Variants in WIPF3 observed in about 807,000 individuals in gnomAD.
WIPF3 encodes the protein WAS/WASL interacting protein family member 3, also known as WAS/WASL-interacting protein family member 3.
A neutral mutation model predicts 38.9 loss-of-function variants in WIPF3; 33 were observed. The observed-to-expected ratio is 0.85, with a 90% CI of 0.64 to 1.14. The LOEUF is 1.14. Ranked by LOEUF, WIPF3 falls within the 50% of genes most tolerant of loss-of-function variation. WIPF3 has a pLI of 0.00. For synonymous variants in WIPF3, 324 were observed against 269.3 expected, an observed-to-expected ratio of 1.20 and a Z score of -1.99; for missense variants, 711 against 652.5, an observed-to-expected ratio of 1.09 and a Z score of -0.98.
chr7:29,816,686 A>T (rs1263982564), intron 1 of WIPF3, among the ~76,000 whole-genome samples: 1 of 152,082 alleles, frequency 6.6e-6, no homozygotes. Flanking sequence ...CAATGTGGAG[A>T]TCATTCCAGG....
At chr7:29,911,281 A>G (rs1786500260) in intron 8 of WIPF3, among the ~76,000 whole-genome samples, 1 of 152,242 alleles carries the variant, frequency 6.6e-6, no homozygotes, top group South Asian at 2.1e-4. Context: ...AAATGCAAAC[A>G]CATCCCATGT....
chr7:29,819,188 C>G (rs1287726139), intron 1 of WIPF3, among the ~76,000 whole-genome samples: 1 of 152,020 alleles, frequency 6.6e-6, no homozygotes, highest in Admixed American at 6.6e-5. Context: ...GGATCTTTGA[C>G]AACTTTCACT....
chr7:29,822,120 T>C (rs1188868200), intron 1 of WIPF3, among the ~76,000 whole-genome samples: 5 of 129,618 alleles, frequency 3.9e-5, no homozygotes, highest in Admixed American at 9.4e-5. Context: ...TACTTTTTTC[T>C]TAGTTTTTTT....
intron 1 of WIPF3, among the ~76,000 whole-genome samples, chr7:29,816,076 A>G (rs555508166): frequency 8.3e-4 from 126 of 152,318 alleles, no homozygotes; most frequent in Middle Eastern, 3.4e-3. Flanking sequence ...TAATTCGGAT[A>G]GTTCAAAATA....
chr7:29,838,825 A>G (rs375621746), intron 2 of WIPF3, among the ~76,000 whole-genome samples: 7 of 152,234 alleles, frequency 4.6e-5, no homozygotes, highest in East Asian at 1.9e-4. Flanking sequence ...ATGTCCATCA[A>G]TGGCAGAATG....
At chr7:29,862,009 A>G (rs1785289221) in intron 2 of WIPF3, among the ~76,000 whole-genome samples, 1 of 152,144 alleles carries the variant, frequency 6.6e-6, no homozygotes, top group Non-Finnish European at 1.5e-5. Context: ...TTTGGGGAAG[A>G]TTTATCTGGA....
chr7:29,888,901 A>C (rs982200226), intron 6 of WIPF3, among the ~76,000 whole-genome samples: 1 of 152,022 alleles, frequency 6.6e-6, no homozygotes, highest in South Asian at 2.1e-4. Flanking sequence ...CCTCCCCTCA[A>C]AACCCTCCCA....
chr7:29,874,557 C>T (rs968060406), intron 2 of WIPF3, among the ~76,000 whole-genome samples: 1 of 152,174 alleles, frequency 6.6e-6, no homozygotes, highest in East Asian at 1.9e-4. Flanking sequence ...ACATGGTATC[C>T]CCGTACAGTA....
chr7:29,843,448 T>G (rs967746741), intron 2 of WIPF3, among the ~76,000 whole-genome samples: 1 of 152,104 alleles, frequency 6.6e-6, no homozygotes, highest in Admixed American at 6.5e-5. Context: ...GCCCGGAGCA[T>G]AAGCCGCTCG....
In WIPF3 at chr7:29,916,952, T is replaced by C. The variant is rs957708797; in HGVS notation, c.*2436T>C. On this transcript the variant is annotated 3_prime_UTR_variant, in exon 9 of 9. Transcript: ENST00000242140. ...CCCCGCCATTGTCACATATTCTCAC[T>C]GACACTGCAGTCTGTGACTCCTCCA... is the stretch of plus-strand genomic sequence containing the variant. 6 of 152,222 alleles carry C rather than the reference T, an allele frequency of 3.9e-5. No individual in the cohort carries two copies. The highest frequency in any genetic ancestry group is 7.3e-5 in the Non-Finnish European group (5 of 68,044). The allele number at this position is 152,222 out of a possible 1,614,324, so 9.4% of individuals were successfully genotyped here.
rs1562786101 is a variant in WIPF3, at chr7:29,884,583, T to TGGCC, written c.1091_1094dup (p.Gly367ThrfsTer52). The TGGCC allele has an allele frequency of 4.4e-6, 7 of 1,605,084 alleles. No homozygotes were observed. Among genetic ancestry groups the TGGCC allele is most frequent in the Middle Eastern group, 1.7e-4 (1 of 6,046 alleles). On this transcript the variant is annotated frameshift_variant, in exon 5 of 9. Coordinates refer to ENST00000242140, the MANE Select transcript of WIPF3 (RefSeq NM_001080529.3). LOFTEE classifies it high-confidence loss of function. ...AGCCGTTCCTGCAGAAGAAGAGGCA[T>TGGCC]GGCCGACCAGGTAAGGAGCGCTGCC...
rs1212080675 is a variant in WIPF3 at position 29,884,256 on chromosome 7, C to T, written c.762C>T (p.Pro254=). 5.2e-6 allele frequency: 8 copies of T among 1,538,188 alleles called. No individual in the cohort carries two copies. The part of the protein sequence containing the change: ...SDKAVKPQLA[P]LHLPPIPPPL... ...AGGCAGTGAAGCCTCAGCTGGCTCC[C>T]TTGCACCTCCCGCCCATCCCGCCCC... The change falls in exon 5 of 9, where the codon CCC becomes CCT. Residue 254 remains proline (P), a synonymous_variant. Coordinates refer to ENST00000242140, the MANE Select transcript of WIPF3 (RefSeq NM_001080529.3).
At chr7:29,872,137 C>G (rs1785507239) in intron 2 of WIPF3, among the ~76,000 whole-genome samples, 1 of 152,168 alleles carries the variant, frequency 6.6e-6, no homozygotes, top group African/African-American at 2.4e-5. Flanking sequence ...ATGGCTTTCT[C>G]TCCCTTGACT....
rs1386002209 is a variant in WIPF3 at position 29,915,712 on chromosome 7, G to A, written c.*1196G>A. ...TCACTCCCTCTTCTTGATCCTGTAG[G>A]GAGTGGAAATGTGTTTTTGCTTGCT... is the stretch of plus-strand genomic sequence containing the variant. On this transcript the variant is annotated 3_prime_UTR_variant, in exon 9 of 9. Coordinates refer to ENST00000242140, the MANE Select transcript of WIPF3 (RefSeq NM_001080529.3). 3 of 152,192 alleles carry A rather than the reference G, an allele frequency of 2.0e-5. No homozygotes were observed. The highest frequency in any genetic ancestry group is 4.4e-5 in the Non-Finnish European group (3 of 68,080). 9.4% of individuals were successfully genotyped at this position (152,192 alleles called of 1,614,324 possible). A position where few individuals can be genotyped will look rare whatever the true frequency, so the allele number is the denominator to read the frequency against.
At chr7:29,853,638 T>A (rs962868270) in intron 2 of WIPF3, among the ~76,000 whole-genome samples, 14 of 152,184 alleles carry the variant, frequency 9.2e-5, no homozygotes, top group Admixed American at 4.6e-4. Context: ...TAGAGCATGG[T>A]GATTAAGATT....
intron 2 of WIPF3, among the ~76,000 whole-genome samples, chr7:29,855,626 G>A (rs1198278301): frequency 2.0e-4 from 30 of 151,748 alleles, no homozygotes; most frequent in Admixed American, 2.0e-3. Context: ...TGGAGTGATG[G>A]GGCTCAGTTA....
chr7:29,815,252 A>G (rs1562768838), intron 1 of WIPF3, among the ~76,000 whole-genome samples: 1 of 152,170 alleles, frequency 6.6e-6, no homozygotes, highest in Non-Finnish European at 1.5e-5. Flanking sequence ...AAAAAACAGT[A>G]AGACAAGACA....
chr7:29,916,040 G>GGT lies in WIPF3; in HGVS notation c.*1527_*1528dup, dbSNP rs1205925365. The GGT allele has an allele frequency of 6.6e-6, 1 of 152,236 alleles. No homozygotes were observed. The highest frequency in any genetic ancestry group is 1.5e-5 in the Non-Finnish European group (1 of 68,082). The allele number at this position is 152,236 out of a possible 1,614,324, so 9.4% of individuals were successfully genotyped here. On this transcript the variant is annotated 3_prime_UTR_variant, in exon 9 of 9. Transcript: ENST00000242140. ...TGTTGTCTGGAGTAACGACTCAGGT[G>GGT]GTGTCCTGCAGCAGTGCTGTGCTTT...
chr7:29,894,657 C>T (rs1046086552), intron 7 of WIPF3, among the ~76,000 whole-genome samples: 2 of 152,044 alleles, frequency 1.3e-5, no homozygotes, highest in East Asian at 1.9e-4. Flanking sequence ...ATGAGTTCTT[C>T]GTGGTCTGGG....
Sources: gnomAD v4.1 joint callset for allele counts (sites outside exome capture counted in the v4.1 genomes callset) on GRCh38, gnomAD v4.1.1 for gene constraint, MANE v1.5 for transcripts, NCBI Gene and HGNC (gene_info 2026-07-23, HGNC 2026-07-21) for gene names.